The following TRAPPC9 variants were observed in gnomAD, a reference collection of about 807,000 sequenced individuals.
TRAPPC9 encodes the protein trafficking protein particle complex subunit 9, also known as IKK2 binding protein.
In TRAPPC9, 83 loss-of-function variants were observed where a neutral mutation model predicts 124.0. The ratio of observed to expected loss-of-function variants is 0.67; its 90% CI spans 0.56 to 0.80. The LOEUF is 0.80. Ranked by LOEUF, TRAPPC9 falls within the 30% of genes least tolerant of loss-of-function variation. The pLI, the probability that TRAPPC9 is intolerant of heterozygous loss-of-function variation, is 0.00. For missense variants in TRAPPC9, 1,302 were observed against 1,508.3 expected (o/e 0.86, Z 2.27); for synonymous variants, 638 against 617.5 (o/e 1.03, Z -0.49).
intron 19 of TRAPPC9, chr8:139,933,898 C>T (rs376426980): frequency 5.3e-5 from 8 of 152,196 alleles, no homozygotes; most frequent in East Asian, 1.9e-4. Flanking sequence ...AATAATGTCA[C>T]GAAGGATTAA....
chr8:140,217,868 T>G (rs959752535), intron 17 of TRAPPC9, among the ~76,000 whole-genome samples: 6 of 151,984 alleles, frequency 3.9e-5, no homozygotes, highest in African/African-American at 1.5e-4. Context: ...AACACAAAAA[T>G]TAGCTGGGCA....
At chr8:140,041,342 T>C (rs1475653017) in intron 17 of TRAPPC9, among the ~76,000 whole-genome samples, 1 of 152,190 alleles carries the variant, frequency 6.6e-6, no homozygotes, top group Non-Finnish European at 1.5e-5. Flanking sequence ...TCAGTACAGG[T>C]GTTCAAACAG....
intron 21 of TRAPPC9, among the ~76,000 whole-genome samples, chr8:139,844,701 T>C (rs973006120): frequency 6.6e-6 from 1 of 152,222 alleles, no homozygotes; most frequent in Non-Finnish European, 1.5e-5. Flanking sequence ...GAGTGGGGAC[T>C]GGAATAAGCT....
chr8:139,739,409 G>A lies in TRAPPC9; in HGVS notation c.3056-7207C>T, dbSNP rs145332100. On this transcript the variant is annotated intron_variant, in intron 21 of 22. Transcript: ENST00000438773. The stretch of plus-strand genomic sequence containing the variant: ...CTCGCCTGCCTGGCCCGTGGCTTCT[G>A]TTTATGCTCAGAATAAAAGAAAGTC... Among the ~76,000 whole-genome samples, 1,438 of 152,318 alleles carry A rather than the reference G, an allele frequency of 9.4e-3. 23 individuals carry two copies. Among genetic ancestry groups the A allele is most frequent in the African/African-American group, 0.033 (1,351 of 41,558 alleles).
intron 2 of TRAPPC9, among the ~76,000 whole-genome samples, chr8:140,442,595 CAA>C (rs34248211): frequency 1.5e-3 from 173 of 118,910 alleles, no homozygotes; most frequent in Non-Finnish European, 1.5e-3. Context: ...GAGCCTCTGT[CAA>C]AAAAAAAAAA....
chr8:140,204,408 G>A (rs2062870886), intron 17 of TRAPPC9, among the ~76,000 whole-genome samples: 2 of 148,442 alleles, frequency 1.3e-5, no homozygotes, highest in Non-Finnish European at 3.0e-5. Flanking sequence ...TCACTCATAG[G>A]TGGGAATTGA....
chr8:140,079,374 T>TA lies in TRAPPC9; in HGVS notation c.2557-55296dup, dbSNP rs1843685414. Among the ~76,000 whole-genome samples the TA allele has an allele frequency of 2.0e-5, 3 of 152,184 alleles. No homozygotes were observed. The South Asian group carries it at 6.2e-4, about 32-fold the overall frequency. On this transcript the variant is annotated intron_variant, in intron 17 of 22. Coordinates refer to ENST00000438773, the MANE Select transcript of TRAPPC9 (RefSeq NM_001160372.4). ...TAGTTCACTCTTGGTTCTGCTCCTT[T>TA]AACAGGTGTTTGAATTTGGCAAGTT...
intron 17 of TRAPPC9, among the ~76,000 whole-genome samples, chr8:140,132,779 G>A (rs2061230342): frequency 7.6e-6 from 1 of 132,024 alleles, no homozygotes; most frequent in Admixed American, 8.2e-5. Context: ...AACCTTCCAA[G>A]AGGAGGCCAA....
intron 17 of TRAPPC9, among the ~76,000 whole-genome samples, chr8:140,195,671 C>A (rs1197214326): frequency 1.3e-5 from 2 of 151,264 alleles, no homozygotes; most frequent in South Asian, 2.1e-4. Context: ...CACTACACAG[C>A]TCGCACCTGT....
chr8:140,115,384 A>G (rs1249310783), intron 17 of TRAPPC9, among the ~76,000 whole-genome samples: 1 of 151,682 alleles, frequency 6.6e-6, no homozygotes, highest in African/African-American at 2.4e-5. Context: ...TCTCTGCCTC[A>G]GCCTCCAGAG....
intron 9 of TRAPPC9, among the ~76,000 whole-genome samples, chr8:140,313,630 C>T (rs994746236): frequency 3.9e-5 from 6 of 152,108 alleles, no homozygotes; most frequent in Non-Finnish European, 1.5e-5. Context: ...GGGGATGCCT[C>T]AATATTCACT....
At chr8:140,356,290 A>G (rs1588207568) in intron 9 of TRAPPC9, among the ~76,000 whole-genome samples, 3 of 152,328 alleles carry the variant, frequency 2.0e-5, no homozygotes, top group African/African-American at 7.2e-5. Context: ...CACACGTGTA[A>G]ACATCAACCT....
chr8:140,195,270 A>G (rs1219396730), intron 17 of TRAPPC9, among the ~76,000 whole-genome samples: 5 of 150,940 alleles, frequency 3.3e-5, no homozygotes, highest in Admixed American at 6.6e-5. Context: ...ACGATCCATC[A>G]TACAGATCAC....
At chr8:140,292,403 C>T (rs1015838804) in intron 11 of TRAPPC9, among the ~76,000 whole-genome samples, 1 of 152,168 alleles carries the variant, frequency 6.6e-6, no homozygotes, top group African/African-American at 2.4e-5. Flanking sequence ...CAGAGGCACC[C>T]CGAGCAGACA....
intron 21 of TRAPPC9, among the ~76,000 whole-genome samples, chr8:139,754,099 G>T (rs1040470293): frequency 6.6e-6 from 1 of 152,202 alleles, no homozygotes; most frequent in Non-Finnish European, 1.5e-5. Flanking sequence ...TGCAGGGAAA[G>T]GTGAAGCCAT....
intron 21 of TRAPPC9, among the ~76,000 whole-genome samples, chr8:139,756,822 T>G: frequency 8.2e-6 from 1 of 121,626 alleles, no homozygotes; most frequent in Non-Finnish European, 1.7e-5. Flanking sequence ...GAGCCAGGGA[T>G]TGGGGATGAG....
chr8:140,211,012 GTT>G (rs74275889), intron 17 of TRAPPC9, among the ~76,000 whole-genome samples: 12 of 145,656 alleles, frequency 8.2e-5, no homozygotes, highest in African/African-American at 2.3e-4. Flanking sequence ...ATATCCTAGG[GTT>G]TTTTTTTTTT....
intron 21 of TRAPPC9, among the ~76,000 whole-genome samples, chr8:139,856,289 G>A (rs1025793986): frequency 1.3e-5 from 2 of 152,134 alleles, no homozygotes; most frequent in Non-Finnish European, 1.5e-5. Flanking sequence ...ACCTCTTCCA[G>A]CCTTTGGCCA....
chr8:140,416,041 A>G (rs28368302), intron 5 of TRAPPC9, among the ~76,000 whole-genome samples: 89,831 of 151,676 alleles, frequency 0.59, 26,939 homozygotes, highest in Middle Eastern at 0.7. Flanking sequence ...GCAAACAGAA[A>G]GAAGGAAATA....
Sources: allele counts gnomAD v4.1 joint callset (sites outside exome capture counted in the v4.1 genomes callset), GRCh38; gene constraint gnomAD v4.1.1; transcripts MANE v1.5; gene names NCBI Gene and HGNC (gene_info 2026-07-23, HGNC 2026-07-21).